The following NPLOC4 variants were observed in gnomAD, a reference collection of about 807,000 sequenced individuals.
NPLOC4 encodes the protein NPL4 homolog, ubiquitin recognition factor.
Under a neutral mutation model 80.6 loss-of-function variants are expected in NPLOC4, and 18 were observed. That is an observed-to-expected ratio of 0.22 (90% confidence interval 0.15 to 0.33). The LOEUF is 0.33. Among genes scored for constraint, NPLOC4 ranks in the 10% least tolerant of loss-of-function variants. The probability of loss-of-function intolerance (pLI) is 1.00; values close to 1 mark genes in which losing one functional copy is unlikely to be tolerated. For missense variants in NPLOC4, 540 were observed against 786.1 expected, an observed-to-expected ratio of 0.69 and a Z score of 3.74; for synonymous variants, 313 against 301.5, an observed-to-expected ratio of 1.04 and a Z score of -0.39.
chr17:81,596,966 A>G (rs2144178567), intron 10 of NPLOC4, among the ~76,000 whole-genome samples: 1 of 152,108 alleles, frequency 6.6e-6, no homozygotes, highest in South Asian at 2.1e-4. Flanking sequence ...CAAAAAAATT[A>G]GCTGGGCATG....
At chr17:81,633,453 A>T (rs2035982814) in intron 1 of NPLOC4, among the ~76,000 whole-genome samples, 1 of 152,164 alleles carries the variant, frequency 6.6e-6, no homozygotes, top group Non-Finnish European at 1.5e-5. Flanking sequence ...ATCCTCTACC[A>T]CAGAAGATGG....
chr17:81,579,332 C>G (rs1481440142), intron 12 of NPLOC4, among the ~76,000 whole-genome samples: 1 of 152,182 alleles, frequency 6.6e-6, no homozygotes, highest in Non-Finnish European at 1.5e-5. Flanking sequence ...GAGCCAAGAT[C>G]GTGCCATTGC....
chr17:81,591,112 G>A (rs1312343084), intron 11 of NPLOC4, among the ~76,000 whole-genome samples: 1 of 152,114 alleles, frequency 6.6e-6, no homozygotes, highest in African/African-American at 2.4e-5. Context: ...GGGGAGCCAC[G>A]GTGCAGACAT....
At chr17:81,629,854 G>C in intron 1 of NPLOC4, 49 bp from the exon 2 acceptor site, 1 of 1,338,832 alleles carries the variant, frequency 7.5e-7, no homozygotes, top group South Asian at 1.2e-5. Context: ...GTGAGGTCCT[G>C]ATCTAATACT....
At chr17:81,594,454 A>G (rs2034841531) in intron 11 of NPLOC4, among the ~76,000 whole-genome samples, 1 of 152,058 alleles carries the variant, frequency 6.6e-6, no homozygotes, top group African/African-American at 2.4e-5. Context: ...CAGGCTGGGC[A>G]ACACAGCAAG....
In NPLOC4 at chr17:81,565,625, G is replaced by GA. The variant is rs1452938766; in HGVS notation, c.1567-19dup. 6.5e-7 allele frequency: 1 copy of GA among 1,531,072 alleles called. No individual in the cohort carries two copies. The highest frequency in any genetic ancestry group is 8.8e-7 in the Non-Finnish European group (1 of 1,141,162). The allele number at this position is 1,531,072 out of a possible 1,614,324, so 94.8% of individuals were successfully genotyped here. The stretch of plus-strand genomic sequence containing the variant: ...ATGCTGTCCTACAAGAAGCCAAAAG[G>GA]AAGGTTCCTCTTCGCTGTGCCTAAG... On this transcript the variant is annotated intron_variant, in intron 15 of 16. Transcript: ENST00000331134.
At chr17:81,569,634 C>T (rs2034105661) in intron 13 of NPLOC4, among the ~76,000 whole-genome samples, 1 of 152,190 alleles carries the variant, frequency 6.6e-6, no homozygotes, top group Admixed American at 6.5e-5. Flanking sequence ...CTTCTGAATG[C>T]TGGGAGCCAC....
intron 16 of NPLOC4, chr17:81,565,184 T>C (rs537994238): frequency 3.3e-6 from 2 of 613,434 alleles, no homozygotes; most frequent in South Asian, 3.8e-5. Flanking sequence ...TTCCATAAAG[T>C]TTCTGATTCT....
intron 10 of NPLOC4, among the ~76,000 whole-genome samples, chr17:81,596,558 T>C (rs1360266323): frequency 6.6e-6 from 1 of 152,106 alleles, no homozygotes; most frequent in Non-Finnish European, 1.5e-5. Flanking sequence ...ACAGCAAGAC[T>C]CTGTCTCAAA....
At chr17:81,573,904 G>A (rs1454247140) in intron 12 of NPLOC4, among the ~76,000 whole-genome samples, 1 of 152,216 alleles carries the variant, frequency 6.6e-6, no homozygotes, top group African/African-American at 2.4e-5. Flanking sequence ...CCACCGACTT[G>A]GGTGAGGGTC....
intron 3 of NPLOC4, 42 bp downstream of exon 3, chr17:81,622,124 C>A: frequency 2.8e-6 from 4 of 1,424,224 alleles, no homozygotes; most frequent in Non-Finnish European, 4.0e-6. Context: ...ATGGGGACCT[C>A]ATTTCCCCCC....
chr17:81,597,877 G>C (rs558900079), intron 9 of NPLOC4, among the ~76,000 whole-genome samples: 38 of 151,766 alleles, frequency 2.5e-4, no homozygotes, highest in African/African-American at 8.0e-4. Context: ...GGTGGATCAC[G>C]AGGTCAGGAG....
At chr17:81,629,110 C>T (rs1416371416) in intron 2 of NPLOC4, among the ~76,000 whole-genome samples, 1 of 151,632 alleles carries the variant, frequency 6.6e-6, no homozygotes, top group Non-Finnish European at 1.5e-5. Context: ...AATCTCCTGA[C>T]CTTGTGATCC....
chr17:81,623,959 G>C (rs1252466079), intron 2 of NPLOC4, among the ~76,000 whole-genome samples: 1 of 151,900 alleles, frequency 6.6e-6, no homozygotes, highest in Non-Finnish European at 1.5e-5. Flanking sequence ...GCTCCATTCT[G>C]GGTGTTCAGA....
At chr17:81,566,327 GT>G (rs2034011549) in intron 15 of NPLOC4, 1 of 152,146 alleles carries the variant, frequency 6.6e-6, no homozygotes, top group Non-Finnish European at 1.5e-5. Context: ...GCGAGACTCC[GT>G]CTTAAAAAAA....
intron 12 of NPLOC4, among the ~76,000 whole-genome samples, chr17:81,576,965 G>A (rs933044520): frequency 2.6e-5 from 4 of 152,078 alleles, no homozygotes; most frequent in Non-Finnish European, 4.4e-5. Context: ...AGTAAGCTTC[G>A]GCAACATAAT....
chr17:81,569,539 G>C (rs1043890757), intron 13 of NPLOC4, among the ~76,000 whole-genome samples: 17 of 152,262 alleles, frequency 1.1e-4, no homozygotes, highest in Non-Finnish European at 1.9e-4. Context: ...GCTCAAGAGA[G>C]ATTCGTGTCA....
rs1300504394 is a variant in NPLOC4, at chr17:81,557,557, T to G, written c.*1702A>C. On this transcript the variant is annotated 3_prime_UTR_variant, in exon 17 of 17. Coordinates refer to ENST00000331134, the MANE Select transcript of NPLOC4 (RefSeq NM_017921.4). Reference sequence around the variant, plus strand: ...CTCTGCCCAGTGGTGGGGGAAGGCCTTGGACTCACAGGGAAGCAATGCAGG... The same window carrying G: ...CTCTGCCCAGTGGTGGGGGAAGGCCGTGGACTCACAGGGAAGCAATGCAGG... 2.6e-5 allele frequency: 4 copies of G among 152,202 alleles called. No homozygotes were observed. Among genetic ancestry groups the G allele is most frequent in the African/African-American group, 9.7e-5 (4 of 41,406 alleles). The allele number at this position is 152,202 out of a possible 1,614,324, so 9.4% of individuals were successfully genotyped here. A position where few individuals can be genotyped will look rare whatever the true frequency, so the allele number is the denominator to read the frequency against.
chr17:81,590,427 A>T (rs1260670572), intron 11 of NPLOC4, among the ~76,000 whole-genome samples: 1 of 152,236 alleles, frequency 6.6e-6, no homozygotes, highest in Non-Finnish European at 1.5e-5. Flanking sequence ...TGGAGGAGGC[A>T]GGCATGGGGG....
Sources: allele counts gnomAD v4.1 joint callset (sites outside exome capture counted in the v4.1 genomes callset), GRCh38; gene constraint gnomAD v4.1.1; transcripts MANE v1.5; gene names NCBI Gene and HGNC (gene_info 2026-07-23, HGNC 2026-07-21).